SRGAP2: variants seen among roughly 807,000 people sequenced by gnomAD.
SRGAP2 encodes SLIT-ROBO Rho GTPase activating protein 2.
Under a neutral mutation model 57.2 loss-of-function variants are expected in SRGAP2, and 15 were observed. The observed-to-expected ratio is 0.26, with a 90% CI of 0.18 to 0.40. The LOEUF (loss-of-function observed/expected upper bound fraction) is 0.40. Ranked by LOEUF, SRGAP2 falls within the 10% of genes least tolerant of loss-of-function variation. SRGAP2 has a pLI of 1.00. For missense variants in SRGAP2, 520 were observed against 669.6 expected (o/e 0.78, Z 2.47); for synonymous variants, 249 against 248.0 (o/e 1.00, Z -0.04).
chr1:206,294,611 A>ATTG (rs1671487547), intron 2 of SRGAP2, among the ~76,000 whole-genome samples: 1 of 139,538 alleles, frequency 7.2e-6, no homozygotes, highest in African/African-American at 3.2e-5. Context: ...GCTCTAAAGT[A>ATTG]CGTGTTATTG....
intron 3 of SRGAP2, among the ~76,000 whole-genome samples, chr1:206,309,530 A>C (rs1456985310): frequency 6.0e-5 from 9 of 150,884 alleles, no homozygotes; most frequent in Non-Finnish European, 1.2e-4. Context: ...GGTATTCAAG[A>C]AACTAAATAG....
chr1:206,292,965 C>A (rs1671411254), intron 2 of SRGAP2, among the ~76,000 whole-genome samples: 1 of 151,846 alleles, frequency 6.6e-6, no homozygotes, highest in South Asian at 2.1e-4. Flanking sequence ...TTGGTCCCTG[C>A]TTGTTGAACT....
At chr1:206,427,489 G>A (rs565654218) in intron 13 of SRGAP2, among the ~76,000 whole-genome samples, 1 of 152,330 alleles carries the variant, frequency 6.6e-6, no homozygotes, top group East Asian at 1.9e-4. Flanking sequence ...GGCACATACA[G>A]TACTCCCTTT....
intron 21 of SRGAP2, among the ~76,000 whole-genome samples, chr1:206,456,404 T>C (rs1553378473): frequency 3.3e-5 from 5 of 152,228 alleles, no homozygotes; most frequent in Non-Finnish European, 1.5e-5. Context: ...TGTGGGCTAA[T>C]CACATTTTTT....
intron 4 of SRGAP2, among the ~76,000 whole-genome samples, chr1:206,381,030 C>G (rs1161043302): frequency 6.6e-6 from 1 of 152,148 alleles, no homozygotes; most frequent in Non-Finnish European, 1.5e-5. Context: ...TAAGTGGGCT[C>G]GCTACACATG....
At chr1:206,225,687 C>G (rs1194622831) in intron 2 of SRGAP2, among the ~76,000 whole-genome samples, 3 of 152,008 alleles carry the variant, frequency 2.0e-5, no homozygotes, top group Non-Finnish European at 4.4e-5. Context: ...GTGCCAAATA[C>G]CTGACCTCCT....
intron 10 of SRGAP2, among the ~76,000 whole-genome samples, chr1:206,412,184 T>C (rs1659280386): frequency 6.6e-6 from 1 of 152,226 alleles, no homozygotes; most frequent in Non-Finnish European, 1.5e-5. Flanking sequence ...AAAGTTATTA[T>C]GTTAATACTT....
intron 4 of SRGAP2, among the ~76,000 whole-genome samples, chr1:206,372,906 T>C (rs1571984519): frequency 1.6e-4 from 1 of 6,194 alleles, no homozygotes; most frequent in Non-Finnish European, 2.5e-4. Context: ...CTCCTTTCTT[T>C]CTTTCTTTCT....
chr1:206,353,067 G>C (rs1182957637), intron 4 of SRGAP2, among the ~76,000 whole-genome samples: 1 of 151,804 alleles, frequency 6.6e-6, no homozygotes, highest in African/African-American at 2.4e-5. Context: ...TGTAAGCGTG[G>C]TTTTCATTGT....
chr1:206,443,923 C>T (rs192244878), intron 17 of SRGAP2, among the ~76,000 whole-genome samples: 1 of 152,152 alleles, frequency 6.6e-6, no homozygotes, highest in Non-Finnish European at 1.5e-5. Flanking sequence ...GGCGCAGTAG[C>T]TCACACCTGT....
rs55665100 is a variant in SRGAP2, at chr1:206,454,658, G to A, written c.2361-220G>A. 4,968 of 526,358 alleles carry A rather than the reference G, an allele frequency of 9.4e-3. 65 individuals are homozygous for A. Among genetic ancestry groups the A allele is most frequent in the Non-Finnish European group, 8.8e-3 (2,637 of 299,486 alleles). The allele number at this position is 526,358 out of a possible 1,614,324, so 32.6% of individuals were successfully genotyped here. On this transcript the variant is annotated intron_variant, in intron 20 of 22. Transcript: ENST00000573034. The surrounding 1 kb of genome is among the most constrained non-coding windows in gnomAD (Gnocchi z 4.3). ...GCTTTCCTGAGGAGCTGAGGAGCCC[G>A]CAGAACTCAGCGGATTATTTATTTT...
At chr1:206,268,439 A>G (rs1167129077) in intron 2 of SRGAP2, among the ~76,000 whole-genome samples, 1 of 151,802 alleles carries the variant, frequency 6.6e-6, no homozygotes, top group Non-Finnish European at 1.5e-5. Context: ...TATAGTATTC[A>G]AACATGGAAT....
At chr1:206,291,234 A>G (rs1268760895) in intron 2 of SRGAP2, among the ~76,000 whole-genome samples, 27 of 151,908 alleles carry the variant, frequency 1.8e-4, no homozygotes, top group African/African-American at 5.8e-4. Context: ...AAACACATCT[A>G]GGTTCAAATC....
intron 17 of SRGAP2, among the ~76,000 whole-genome samples, chr1:206,444,404 A>G (rs1409388814): frequency 4.6e-5 from 7 of 152,278 alleles, no homozygotes; most frequent in African/African-American, 1.7e-4. Context: ...AACATTCTTC[A>G]TCTTCCACAG....
At chr1:206,230,469 T>A (rs1553306678) in intron 2 of SRGAP2, among the ~76,000 whole-genome samples, 1 of 140,480 alleles carries the variant, frequency 7.1e-6, no homozygotes, top group Admixed American at 7.2e-5. Flanking sequence ...TTCAGAGACA[T>A]TCAGTTCAGT....
rs188640743 is a variant in SRGAP2 at position 206,454,027 on chromosome 1, G to A, written c.2360+647G>A. The A allele has an allele frequency of 3.8e-5, 26 of 678,966 alleles. No homozygotes were observed. Among genetic ancestry groups the A allele is most frequent in the Middle Eastern group, 4.7e-4 (2 of 4,240 alleles). 42.1% of individuals were successfully genotyped at this position (678,966 alleles called of 1,614,324 possible). On this transcript the variant is annotated intron_variant, in intron 20 of 22. Transcript: ENST00000573034. The surrounding 1 kb of genome is among the most constrained non-coding windows in gnomAD (Gnocchi z 4.3). The stretch of plus-strand genomic sequence containing the variant: ...TCTCACACTTTGAAGCAGTTGTCCC[G>A]TGGGCCCACCCAAGCCTGCCCCCTG...
In SRGAP2 at chr1:206,234,761, C is replaced by A. The variant is rs1415444329; in HGVS notation, c.67+28724C>A. 7.9e-4 allele frequency among the ~76,000 whole-genome samples: 120 copies of A among 152,030 alleles called. No individual in the cohort carries two copies. In the South Asian group the frequency reaches 0.012, roughly 16 times the overall value. ...GCTCATGTCTGCAAAGAGGGACAGT[C>A]CCACTTTTGCAGAGGTGACAGTCCA... On this transcript the variant is annotated intron_variant, in intron 2 of 22. Coordinates refer to ENST00000573034, the MANE Select transcript of SRGAP2 (RefSeq NM_015326.5).
intron 2 of SRGAP2, among the ~76,000 whole-genome samples, chr1:206,278,079 CATTT>C: frequency 6.6e-6 from 1 of 151,666 alleles, no homozygotes; most frequent in East Asian, 1.9e-4. Flanking sequence ...ATTATTCATT[CATTT>C]ATTCATTCAC....
At position 206,336,973 on chromosome 1, in the gene SRGAP2, T is replaced by C. The variant is rs1425313980; in HGVS notation, c.261-5873T>C. ...ATATTGAATGATGTATTTAACTCTT[T>C]AAGTTTTGTCTATCATCACAGATAG... is the stretch of plus-strand genomic sequence containing the variant. On this transcript the variant is annotated intron_variant, in intron 3 of 22. Coordinates refer to ENST00000573034, the MANE Select transcript of SRGAP2 (RefSeq NM_015326.5). Among the ~76,000 whole-genome samples, 10 of 126,180 alleles carry C rather than the reference T, an allele frequency of 7.9e-5. No individual in the cohort carries two copies. In the East Asian group the frequency reaches 2.2e-3, roughly 27 times the overall value. 82.8% of individuals were successfully genotyped at this position (126,180 alleles called of 152,430 possible).
Sources: gnomAD v4.1 joint callset for allele counts (sites outside exome capture counted in the v4.1 genomes callset) on GRCh38, gnomAD v4.1.1 for gene constraint, Gnocchi (gnomAD v3.1) non-coding constraint, MANE v1.5 for transcripts, NCBI Gene and HGNC (gene_info 2026-07-23, HGNC 2026-07-21) for gene names.